Variants in LSM11 observed in about 807,000 individuals in gnomAD.
LSM11 encodes LSM11, U7 small nuclear RNA associated.
A neutral mutation model predicts 28.1 loss-of-function variants in LSM11; 14 were observed. The observed-to-expected ratio is 0.50, with a 90% confidence interval of 0.33 to 0.78. LSM11 has a LOEUF of 0.78. LSM11 is among the 30% of genes least tolerant of loss of function. The probability of loss-of-function intolerance (pLI) is 0.02; values close to 1 mark genes in which losing one functional copy is unlikely to be tolerated. For synonymous variants in LSM11, 207 were observed against 214.2 expected, an observed-to-expected ratio of 0.97 and a Z score of 0.30; for missense variants, 495 against 510.6, an observed-to-expected ratio of 0.97 and a Z score of 0.30.
chr5:157,759,710 T>TGCTTTTCTTCTCCCAGAAG lies in LSM11; in HGVS notation c.*4456_*4474dup. 2.6e-5 allele frequency: 4 copies of TGCTTTTCTTCTCCCAGAAG among 152,324 alleles called. No individual in the cohort carries two copies. In the South Asian group the frequency reaches 8.3e-4, roughly 32 times the overall value. The allele number at this position is 152,324 out of a possible 1,614,324, so 9.4% of individuals were successfully genotyped here. On this transcript the variant is annotated 3_prime_UTR_variant, in exon 4 of 4. Coordinates refer to ENST00000286307, the MANE Select transcript of LSM11 (RefSeq NM_173491.4). ...TCAGTAACTTATGTTCACCAGTCTG[T>TGCTTTTCTTCTCCCAGAAG]GCTTTTCTTCTCCCAGAAGGCTTTT...
chr5:157,743,864 C>G lies in LSM11; in HGVS notation c.114C>G (p.Tyr38Ter), dbSNP rs1388644373. The change falls in exon 1 of 4, where the codon TAC (tyrosine) becomes TAG (stop). Residue 38 changes from tyrosine (Y) to a stop codon, truncating the protein, a stop_gained. Transcript: ENST00000286307. LOFTEE classifies it high-confidence loss of function. ...SDSFDPLLAL[Y>*]APRLPPIPYP... ...GCTTCGACCCGCTGCTGGCCCTGTA[C>G]GCGCCCCGCCTGCCTCCCATTCCCT... 2 of 1,558,938 alleles carry G rather than the reference C, an allele frequency of 1.3e-6. No individual in the cohort carries two copies. The highest frequency in any genetic ancestry group is 1.7e-6 in the Non-Finnish European group (2 of 1,155,232).
At chr5:157,752,100 G>A (rs1368905384) in intron 2 of LSM11, among the ~76,000 whole-genome samples, 1 of 152,008 alleles carries the variant, frequency 6.6e-6, no homozygotes, top group Admixed American at 6.6e-5. Context: ...TACAGTACAT[G>A]GGAAGGTAAA....
At chr5:157,747,825 G>A (rs1404361492) in intron 1 of LSM11, 2 of 152,198 alleles carry the variant, frequency 1.3e-5, no homozygotes, top group Non-Finnish European at 2.9e-5. Context: ...TTGCCAAAAG[G>A]GCATGAGTAT....
intron 1 of LSM11, among the ~76,000 whole-genome samples, chr5:157,745,068 G>A (rs1249338764): frequency 1.3e-5 from 2 of 152,206 alleles, no homozygotes; most frequent in African/African-American, 4.8e-5. Flanking sequence ...GATCCTTAGA[G>A]TAAAGCTGTA....
chr5:157,748,636 C>G (rs762080969), intron 1 of LSM11, among the ~76,000 whole-genome samples: 1 of 152,108 alleles, frequency 6.6e-6, no homozygotes, highest in Non-Finnish European at 1.5e-5. Flanking sequence ...CCACCTGAGA[C>G]GCAGACGTGG....
rs1218705407 is a variant in LSM11, at chr5:157,756,310, A to T, written c.*1046A>T. ...TACAGTGGGTAGTGTCTAAAGCGACACTTTACTCACAGCCTGGCTTGAGTC... is the reference window on the plus strand; with the variant it reads ...TACAGTGGGTAGTGTCTAAAGCGACTCTTTACTCACAGCCTGGCTTGAGTC... On this transcript the variant is annotated 3_prime_UTR_variant, in exon 4 of 4. Transcript: ENST00000286307. 6.5e-6 allele frequency: 1 copy of T among 152,780 alleles called. No individual in the cohort carries two copies. Among genetic ancestry groups the T allele is most frequent in the Non-Finnish European group, 1.5e-5 (1 of 68,044 alleles). The allele number at this position is 152,780 out of a possible 1,614,324, so 9.5% of individuals were successfully genotyped here. A position where few individuals can be genotyped will look rare whatever the true frequency, so the allele number is the denominator to read the frequency against.
chr5:157,753,750 C>T (rs1480936421), intron 2 of LSM11, among the ~76,000 whole-genome samples: 3 of 152,134 alleles, frequency 2.0e-5, no homozygotes, highest in African/African-American at 4.8e-5. Context: ...AATTTAAGAC[C>T]TTCTACCATG....
In LSM11 at chr5:157,759,779, A is replaced by C. The variant is rs1761383032; in HGVS notation, c.*4515A>C. Reference sequence around the variant, plus strand: ...AAGAATCCTGAGCCCTGTGTTGCAAAGGTGGGTGGTCTGTCAGCACTTTCT... The same window carrying C: ...AAGAATCCTGAGCCCTGTGTTGCAACGGTGGGTGGTCTGTCAGCACTTTCT... On this transcript the variant is annotated 3_prime_UTR_variant, in exon 4 of 4. Coordinates refer to ENST00000286307, the MANE Select transcript of LSM11 (RefSeq NM_173491.4). 6.6e-6 allele frequency: 1 copy of C among 152,180 alleles called. No homozygotes were observed. The highest frequency in any genetic ancestry group is 6.5e-5 in the Admixed American group (1 of 15,268). 9.4% of individuals were successfully genotyped at this position (152,180 alleles called of 1,614,324 possible). A position where few individuals can be genotyped will look rare whatever the true frequency, so the allele number is the denominator to read the frequency against.
At position 157,758,313 on chromosome 5, in the gene LSM11, C is replaced by G. The variant is rs957773848; in HGVS notation, c.*3049C>G. 2 of 152,182 alleles carry G rather than the reference C, an allele frequency of 1.3e-5. No homozygotes were observed. The highest frequency in any genetic ancestry group is 2.9e-5 in the Non-Finnish European group (2 of 68,066). 9.4% of individuals were successfully genotyped at this position (152,182 alleles called of 1,614,324 possible). On this transcript the variant is annotated 3_prime_UTR_variant, in exon 4 of 4. Coordinates refer to ENST00000286307, the MANE Select transcript of LSM11 (RefSeq NM_173491.4). ...TAGAGAAGGGGTTTTACCGTGTTAG[C>G]CAGGCTGGTCTTGAACTCCTGACCT...
chr5:157,751,908 A>G (rs926265066), intron 2 of LSM11, among the ~76,000 whole-genome samples: 33 of 152,318 alleles, frequency 2.2e-4, no homozygotes, highest in Admixed American at 6.5e-4. Flanking sequence ...TCCAATCTGA[A>G]AAGTCCTTAG....
chr5:157,748,271 C>A (rs1295108925), intron 1 of LSM11, among the ~76,000 whole-genome samples: 2 of 151,994 alleles, frequency 1.3e-5, no homozygotes, highest in Non-Finnish European at 2.9e-5. Flanking sequence ...CTGCCTTTGC[C>A]CTAATGAGCT....
At chr5:157,754,659 T>TCTAG (rs1761293667) in intron 3 of LSM11, among the ~76,000 whole-genome samples, 195 bp from the exon 4 acceptor site, 1 of 135,310 alleles carries the variant, frequency 7.4e-6, no homozygotes, top group Non-Finnish European at 1.5e-5. Context: ...ACCACTGCAC[T>TCTAG]CTAGCCTGGG....
In LSM11 at chr5:157,754,044, T is replaced by G. The variant is rs1157058330; in HGVS notation, c.629T>G (p.Leu210Arg). Residue 210 changes from leucine (L) to arginine (R), a missense_variant, in exon 3 of 4, where the codon CTA becomes CGA. Physicochemically the swap from Leu to Arg is moderately radical, Grantham distance 102. Transcript: ENST00000286307. ...DVDETYRKPV[L>R]GKAYERDSSL... ...GATGAGACCTACCGAAAACCTGTCC[T>G]AGGCAAAGCATATGAACGGGATTCT... 6 of 1,577,458 alleles carry G rather than the reference T, an allele frequency of 3.8e-6. No homozygotes were observed. Among genetic ancestry groups the G allele is most frequent in the Non-Finnish European group, 1.7e-6 (2 of 1,162,536 alleles).
At chr5:157,751,562 C>T in intron 2 of LSM11, 33 bp downstream of exon 2, 2 of 1,571,206 alleles carry the variant, frequency 1.3e-6, no homozygotes, top group Non-Finnish European at 1.7e-6. Context: ...GCTGGAGAAC[C>T]TCCTACAGAT....
chr5:157,750,448 A>G (rs142844735), intron 1 of LSM11, among the ~76,000 whole-genome samples: 9 of 152,316 alleles, frequency 5.9e-5, no homozygotes, highest in Non-Finnish European at 1.3e-4. Context: ...TCTTCACATG[A>G]TGCTTATTAG....
At position 157,755,424 on chromosome 5, in the gene LSM11, G is replaced by GCCT; in HGVS notation, c.*160_*161insCCT. 1 of 761,782 alleles carries GCCT rather than the reference G, an allele frequency of 1.3e-6. No homozygotes were observed. Among genetic ancestry groups the GCCT allele is most frequent in the Non-Finnish European group, 2.1e-6 (1 of 484,932 alleles). 47.2% of individuals were successfully genotyped at this position (761,782 alleles called of 1,614,324 possible). A position where few individuals can be genotyped will look rare whatever the true frequency, so the allele number is the denominator to read the frequency against. ...CAGCCCCCTGGAAGATGAGCTCAAG[G>GCCT]GGAGGACAGGCCTTGGGAGGGCAGG... On this transcript the variant is annotated 3_prime_UTR_variant, in exon 4 of 4. Coordinates refer to ENST00000286307, the MANE Select transcript of LSM11 (RefSeq NM_173491.4).
chr5:157,748,028 T>TGTG (rs1761172682), intron 1 of LSM11, among the ~76,000 whole-genome samples: 2 of 149,112 alleles, frequency 1.3e-5, no homozygotes, highest in African/African-American at 4.9e-5. Context: ...TGTGTGTGTG[T>TGTG]TTAGGCCAGT....
At chr5:157,745,612 A>G (rs1761135354) in intron 1 of LSM11, among the ~76,000 whole-genome samples, 1 of 152,210 alleles carries the variant, frequency 6.6e-6, no homozygotes, top group African/African-American at 2.4e-5. Context: ...AGGGAAAGGA[A>G]TATTCCTGTG....
intron 1 of LSM11, among the ~76,000 whole-genome samples, chr5:157,745,346 G>T (rs1056957137): frequency 1.3e-5 from 2 of 152,144 alleles, no homozygotes; most frequent in Admixed American, 6.5e-5. Context: ...ATCCTGAAAC[G>T]CTCTGTGCTG....
Sources: gnomAD v4.1 joint callset for allele counts (sites outside exome capture counted in the v4.1 genomes callset) on GRCh38, gnomAD v4.1.1 for gene constraint, MANE v1.5 for transcripts, NCBI Gene and HGNC (gene_info 2026-07-23, HGNC 2026-07-21) for gene names.